Variants in CACNA1D observed in about 807,000 individuals in gnomAD.
CACNA1D encodes the protein voltage-dependent L-type calcium channel subunit alpha-1D.
Under a neutral mutation model 257.1 loss-of-function variants are expected in CACNA1D, and 55 were observed. The observed-to-expected ratio is 0.21, with a 90% CI of 0.17 to 0.27. CACNA1D has a LOEUF of 0.27. CACNA1D is among the 10% of genes least tolerant of loss of function. The pLI is 1.00. For synonymous variants in CACNA1D, 980 were observed against 1,014.9 expected (o/e 0.97, Z 0.65); for missense variants, 1,876 against 2,784.0 (o/e 0.67, Z 7.34).
chr3:53,796,932 T>C (rs1168039828), intron 40 of CACNA1D, among the ~76,000 whole-genome samples: 1 of 152,264 alleles, frequency 6.6e-6, no homozygotes, highest in Non-Finnish European at 1.5e-5. Flanking sequence ...GGAATGACTT[T>C]ATATGGCTTT....
At chr3:53,593,345 C>T (rs1206353433) in intron 3 of CACNA1D, among the ~76,000 whole-genome samples, 7 of 152,168 alleles carry the variant, frequency 4.6e-5, no homozygotes, top group Admixed American at 1.3e-4. Context: ...TGTCTTGTTT[C>T]TGAGTTTCTT....
chr3:53,700,921 T>G (rs568161487), intron 8 of CACNA1D, among the ~76,000 whole-genome samples: 4 of 151,760 alleles, frequency 2.6e-5, no homozygotes, highest in African/African-American at 9.7e-5. Context: ...CTTGCTCCGT[T>G]GCCCAGGCTG....
chr3:53,532,942 T>C (rs1408085650), intron 3 of CACNA1D, among the ~76,000 whole-genome samples: 2 of 152,270 alleles, frequency 1.3e-5, no homozygotes, highest in South Asian at 4.1e-4. Context: ...CCTAGGGTCA[T>C]GAGGAGGTTT....
chr3:53,715,449 C>T (rs183788626), intron 9 of CACNA1D, among the ~76,000 whole-genome samples: 1 of 152,134 alleles, frequency 6.6e-6, no homozygotes, highest in East Asian at 1.9e-4. Context: ...GAAGATGGCT[C>T]ACACTAGATG....
intron 3 of CACNA1D, among the ~76,000 whole-genome samples, chr3:53,556,104 G>C (rs561767004): frequency 6.6e-6 from 1 of 152,290 alleles, no homozygotes; most frequent in South Asian, 2.1e-4. Context: ...TCCATGTTTA[G>C]GAGTGTGGAG....
chr3:53,754,772 A>G (rs1279158729), intron 29 of CACNA1D, among the ~76,000 whole-genome samples: 1 of 152,238 alleles, frequency 6.6e-6, no homozygotes, highest in Non-Finnish European at 1.5e-5. Flanking sequence ...ATCTCTGTGT[A>G]AGGTATCTGA....
At chr3:53,748,230 C>G (rs972026591) in intron 26 of CACNA1D, among the ~76,000 whole-genome samples, 11 of 152,314 alleles carry the variant, frequency 7.2e-5, no homozygotes, top group Middle Eastern at 3.4e-3. Context: ...TTCTGGAGCT[C>G]CCACCCCCAG....
intron 3 of CACNA1D, among the ~76,000 whole-genome samples, chr3:53,577,337 C>T (rs898702380): frequency 6.6e-6 from 1 of 152,176 alleles, no homozygotes; most frequent in African/African-American, 2.4e-5. Flanking sequence ...TGGGGAGGAG[C>T]TGTCTCTTTC....
chr3:53,638,413 T>G (rs916387026), intron 3 of CACNA1D, among the ~76,000 whole-genome samples: 1 of 152,170 alleles, frequency 6.6e-6, no homozygotes, highest in African/African-American at 2.4e-5. Context: ...TAACTTAGTA[T>G]TTAGCAGTTA....
intron 7 of CACNA1D, among the ~76,000 whole-genome samples, chr3:53,672,756 C>CTGTGTGTG (rs2094335178): frequency 9.5e-6 from 1 of 105,470 alleles, no homozygotes. Flanking sequence ...GCCTTGATGA[C>CTGTGTGTG]TCTGTGTGTG....
chr3:53,655,246 T>C (rs1421904878), intron 4 of CACNA1D, among the ~76,000 whole-genome samples: 1 of 152,224 alleles, frequency 6.6e-6, no homozygotes, highest in Admixed American at 6.5e-5. Context: ...ATTCCATGTC[T>C]TTGCTATTGT....
chr3:53,755,354 C>A (rs6768105), intron 29 of CACNA1D, among the ~76,000 whole-genome samples: 1 of 152,046 alleles, frequency 6.6e-6, no homozygotes, highest in Non-Finnish European at 1.5e-5. Context: ...TGTGCACATG[C>A]GTGTGTGTTC....
chr3:53,513,919 G>T (rs919220543), intron 3 of CACNA1D, among the ~76,000 whole-genome samples: 3 of 152,144 alleles, frequency 2.0e-5, no homozygotes, highest in Non-Finnish European at 4.4e-5. Context: ...AGCAACAGGC[G>T]ATCCCATATA....
At chr3:53,604,077 T>C (rs1031995777) in intron 3 of CACNA1D, among the ~76,000 whole-genome samples, 4 of 152,232 alleles carry the variant, frequency 2.6e-5, no homozygotes, top group Non-Finnish European at 5.9e-5. Flanking sequence ...ATTCTAGACA[T>C]CTAAAGACAC....
intron 3 of CACNA1D, among the ~76,000 whole-genome samples, chr3:53,578,970 G>A (rs1692185560): frequency 6.6e-6 from 1 of 152,122 alleles, no homozygotes; most frequent in Admixed American, 6.5e-5. Context: ...GGAGTAAAGG[G>A]CCCAGACGAG....
chr3:53,585,968 T>C (rs767982592), intron 3 of CACNA1D, among the ~76,000 whole-genome samples: 4 of 152,172 alleles, frequency 2.6e-5, no homozygotes, highest in Non-Finnish European at 4.4e-5. Context: ...AGTCCCTGCC[T>C]CCGAGAACTT....
intron 3 of CACNA1D, among the ~76,000 whole-genome samples, chr3:53,567,096 T>G (rs1252396157): frequency 1.3e-5 from 2 of 152,200 alleles, no homozygotes; most frequent in African/African-American, 4.8e-5. Flanking sequence ...TTGAGTCTTA[T>G]GGAGACGATA....
At chr3:53,796,390 AC>A (rs1337027973) in intron 40 of CACNA1D, 5 of 455,916 alleles carry the variant, frequency 1.1e-5, no homozygotes, top group Admixed American at 9.4e-5. Flanking sequence ...TCTTATCTCC[AC>A]TGCTACAGCG....
chr3:53,789,418 T>C lies in CACNA1D; in HGVS notation c.4923+2466T>C, dbSNP rs1576672822. Among the ~76,000 whole-genome samples, 1 of 152,242 alleles carries C rather than the reference T, an allele frequency of 6.6e-6. No individual in the cohort carries two copies. The highest frequency in any genetic ancestry group is 6.5e-5 in the Admixed American group (1 of 15,282). On this transcript the variant is annotated intron_variant, in intron 40 of 47. Transcript: ENST00000350061. This position sits in a 1 kb window ranked among gnomAD's most constrained non-coding sequence, Gnocchi z 4.2. ...GCTTCCTGTGCTGTAGAAATGGCTG[T>C]GAGTGTGATTTGTTACTCCATGTTT... is the stretch of plus-strand genomic sequence containing the variant.
Sources: allele counts gnomAD v4.1 joint callset (sites outside exome capture counted in the v4.1 genomes callset), GRCh38; gene constraint gnomAD v4.1.1; non-coding constraint Gnocchi (gnomAD v3.1); transcripts MANE v1.5; gene names NCBI Gene and HGNC (gene_info 2026-07-23, HGNC 2026-07-21).